The following GALNTL6 variants were observed in gnomAD, a reference collection of about 807,000 sequenced individuals.
The protein encoded by GALNTL6 is polypeptide N-acetylgalactosaminyltransferase like 6, also known as polypeptide N-acetylgalactosaminyltransferase-like 6.
GALNTL6 carries 46 observed loss-of-function variants against 73.7 expected under a neutral mutation model. That is an observed-to-expected ratio of 0.62 (90% CI 0.49 to 0.80). GALNTL6 has a LOEUF of 0.80. GALNTL6 is among the 30% of genes least tolerant of loss of function. GALNTL6 has a pLI of 0.00. For missense variants in GALNTL6, 604 were observed against 755.0 expected (o/e 0.80, Z 2.34); for synonymous variants, 259 against 263.7 (o/e 0.98, Z 0.17).
chr4:171,877,633 A>G lies in GALNTL6; in HGVS notation c.138+62915A>G, dbSNP rs189560253. ...ATTACCTAATGTATCACTCAAGTGA[A>G]AAAAAAAAAAATCAGGATAACCCAC... is the stretch of plus-strand genomic sequence containing the variant. On this transcript the variant is annotated intron_variant, in intron 2 of 12. Coordinates refer to ENST00000506823, the MANE Select transcript of GALNTL6 (RefSeq NM_001034845.3). Among the ~76,000 whole-genome samples the G allele has an allele frequency of 7.2e-3, 1,065 of 148,320 alleles. 13 individuals are homozygous for G. Among genetic ancestry groups the G allele is most frequent in the African/African-American group, 0.025 (1,001 of 40,486 alleles).
Position 172,768,360 on chromosome 4 carries a change from TG to T in GALNTL6, c.554-40997del. On this transcript the variant is annotated intron_variant, in intron 5 of 12. Transcript: ENST00000506823. Reference sequence around the variant, plus strand: ...AAATCAAGAGCCACAGTGATACCAGTGGGGTATGGGAGGTCCCCAAACGCTG... The same window carrying T: ...AAATCAAGAGCCACAGTGATACCAGTGGGTATGGGAGGTCCCCAAACGCTG... Among the ~76,000 whole-genome samples, 3 of 152,188 alleles carry T rather than the reference TG, an allele frequency of 2.0e-5. No individual in the cohort carries two copies. The Middle Eastern group carries it at 0.01, about 518-fold the overall frequency.
chr4:172,450,096 A>C (rs955711618), intron 5 of GALNTL6, among the ~76,000 whole-genome samples: 1 of 151,986 alleles, frequency 6.6e-6, no homozygotes, highest in Non-Finnish European at 1.5e-5. Flanking sequence ...ACACACCTGT[A>C]ATCCCAGCTA....
chr4:172,220,391 A>G (rs970627575), intron 2 of GALNTL6, among the ~76,000 whole-genome samples: 2 of 151,756 alleles, frequency 1.3e-5, no homozygotes, highest in African/African-American at 4.8e-5. Flanking sequence ...GCAGGCATTC[A>G]ATAAATACAT....
intron 2 of GALNTL6, among the ~76,000 whole-genome samples, chr4:172,121,081 C>T (rs934733286): frequency 2.6e-5 from 4 of 151,408 alleles, no homozygotes; most frequent in Admixed American, 2.6e-4. Context: ...ATACACAGGC[C>T]ATAGTAAACT....
Position 172,932,895 on chromosome 4 carries a change from C to T in GALNTL6, c.1149+1627C>T, listed in dbSNP as rs192302940. Among the ~76,000 whole-genome samples the T allele has an allele frequency of 2.0e-3, 300 of 152,222 alleles. 1 individual carries two copies. Among genetic ancestry groups the T allele is most frequent in the Non-Finnish European group, 1.9e-3 (130 of 67,986 alleles). On this transcript the variant is annotated intron_variant, in intron 9 of 12. Transcript: ENST00000506823. ...TATTTTCAGATTATGGATGCCCAAC[C>T]TGTAGTAATATTCCTGCTTTCCTAA... is the stretch of plus-strand genomic sequence containing the variant.
intron 2 of GALNTL6, among the ~76,000 whole-genome samples, chr4:171,844,714 A>T (rs1217883667): frequency 2.0e-5 from 3 of 152,180 alleles, no homozygotes; most frequent in African/African-American, 7.2e-5. Context: ...TTTAGGAAAA[A>T]TGATTCCCCA....
intron 7 of GALNTL6, among the ~76,000 whole-genome samples, chr4:172,837,463 A>G (rs1443251561): frequency 1.3e-5 from 2 of 152,262 alleles, no homozygotes; most frequent in African/African-American, 4.8e-5. Context: ...AAAACAGTGA[A>G]CAAATGTATA....
At chr4:172,497,575 T>C (rs1469716058) in intron 5 of GALNTL6, among the ~76,000 whole-genome samples, 1 of 152,224 alleles carries the variant, frequency 6.6e-6, no homozygotes, top group East Asian at 1.9e-4. Flanking sequence ...TCAGTCTTAT[T>C]ATTAGGTCCC....
chr4:171,975,203 G>A lies in GALNTL6; in HGVS notation c.138+160485G>A, dbSNP rs79408959. Among the ~76,000 whole-genome samples, 154 of 152,198 alleles carry A rather than the reference G, an allele frequency of 1.0e-3. 1 individual carries two copies. In the East Asian group the frequency reaches 0.02, roughly 20 times the overall value. ...GTATTATAGGTATTCCCATTTCCTTGAGGACAAGAGTAATAAGTAATTTTC... is the reference window on the plus strand; with the variant it reads ...GTATTATAGGTATTCCCATTTCCTTAAGGACAAGAGTAATAAGTAATTTTC... On this transcript the variant is annotated intron_variant, in intron 2 of 12. Transcript: ENST00000506823.
chr4:172,902,042 C>T (rs1477990790), intron 8 of GALNTL6, among the ~76,000 whole-genome samples: 1 of 152,166 alleles, frequency 6.6e-6, no homozygotes, highest in Non-Finnish European at 1.5e-5. Flanking sequence ...CTTCAACCAG[C>T]TTTTATTGAG....
chr4:172,559,578 C>A (rs754021993), intron 5 of GALNTL6, among the ~76,000 whole-genome samples: 5 of 152,118 alleles, frequency 3.3e-5, no homozygotes, highest in Non-Finnish European at 7.4e-5. Flanking sequence ...TACCATTAGG[C>A]CACATAGTTT....
intron 2 of GALNTL6, among the ~76,000 whole-genome samples, chr4:171,868,501 A>C (rs192461345): frequency 2.0e-5 from 3 of 152,226 alleles, no homozygotes; most frequent in African/African-American, 7.2e-5. Flanking sequence ...GTGGCTCTGG[A>C]GTGAAAGAAG....
At chr4:172,700,122 T>C (rs1320577585) in intron 5 of GALNTL6, among the ~76,000 whole-genome samples, 2 of 152,298 alleles carry the variant, frequency 1.3e-5, no homozygotes, top group Non-Finnish European at 2.9e-5. Context: ...ATTTATTGAA[T>C]ATAATACAGG....
chr4:171,830,489 A>G (rs1407427662), intron 2 of GALNTL6, among the ~76,000 whole-genome samples: 1 of 152,146 alleles, frequency 6.6e-6, no homozygotes, highest in African/African-American at 2.4e-5. Flanking sequence ...ATTTGAGTTG[A>G]GCTATATGTA....
rs777627608 is a variant in GALNTL6, at chr4:172,429,938, A to T, written c.553+81249A>T. Among the ~76,000 whole-genome samples the T allele has an allele frequency of 4.3e-4, 66 of 152,248 alleles. No individual in the cohort carries two copies. In the Middle Eastern group the frequency reaches 0.01, roughly 24 times the overall value. Reference sequence around the variant, plus strand: ...TTTGCTTATCTCAGAAATTCATACCAATCACCTAACTGCTTCAAACAGTTT... The same window carrying T: ...TTTGCTTATCTCAGAAATTCATACCTATCACCTAACTGCTTCAAACAGTTT... On this transcript the variant is annotated intron_variant, in intron 5 of 12. Coordinates refer to ENST00000506823, the MANE Select transcript of GALNTL6 (RefSeq NM_001034845.3).
At chr4:172,376,608 T>C (rs1010298093) in intron 5 of GALNTL6, among the ~76,000 whole-genome samples, 1 of 152,136 alleles carries the variant, frequency 6.6e-6, no homozygotes, top group Admixed American at 6.5e-5. Context: ...GTGCCTGGTA[T>C]TTAGCCCCTG....
intron 7 of GALNTL6, among the ~76,000 whole-genome samples, chr4:172,870,018 G>C (rs1370557903): frequency 6.6e-6 from 1 of 151,724 alleles, no homozygotes. Context: ...CCTGGTATTT[G>C]CTCTGAAATA....
At position 172,947,200 on chromosome 4, in the gene GALNTL6, T is replaced by C. The variant is rs548794502; in HGVS notation, c.1150-4837T>C. 1.1e-4 allele frequency among the ~76,000 whole-genome samples: 17 copies of C among 152,170 alleles called. 1 individual carries two copies. The South Asian group carries it at 3.5e-3, about 32-fold the overall frequency. ...AATCTTCAGTAAAAGTTATGCCCAG[T>C]TGATGCACCGAGAGACATTTGAGAG... On this transcript the variant is annotated intron_variant, in intron 9 of 12. Coordinates refer to ENST00000506823, the MANE Select transcript of GALNTL6 (RefSeq NM_001034845.3).
chr4:172,816,009 G>C lies in GALNTL6; in HGVS notation c.923+2286G>C, dbSNP rs546675425. 2.0e-5 allele frequency among the ~76,000 whole-genome samples: 3 copies of C among 152,290 alleles called. No individual in the cohort carries two copies. In the South Asian group the frequency reaches 6.2e-4, roughly 32 times the overall value. ...ATTATCACGGCAGTCACCTGAATGT[G>C]CTCATAAACAGACAAGCTTTAGGCT... is the stretch of plus-strand genomic sequence containing the variant. On this transcript the variant is annotated intron_variant, in intron 7 of 12. Transcript: ENST00000506823.
Sources: allele counts gnomAD v4.1 joint callset (sites outside exome capture counted in the v4.1 genomes callset), GRCh38; gene constraint gnomAD v4.1.1; transcripts MANE v1.5; gene names NCBI Gene and HGNC (gene_info 2026-07-23, HGNC 2026-07-21).